The following CRTC1 variants were observed in gnomAD, a reference collection of about 807,000 sequenced individuals.
CRTC1 encodes CREB-regulated transcription coactivator 1.
In CRTC1, 18 loss-of-function variants were observed where a neutral mutation model predicts 66.1. The ratio of observed to expected loss-of-function variants is 0.27; its 90% CI spans 0.19 to 0.40. The LOEUF (loss-of-function observed/expected upper bound fraction) is 0.40. CRTC1 is among the 10% of genes least tolerant of loss of function. The pLI is 1.00. For synonymous variants in CRTC1, 416 were observed against 398.8 expected, an observed-to-expected ratio of 1.04 and a Z score of -0.51; for missense variants, 669 against 887.9, an observed-to-expected ratio of 0.75 and a Z score of 3.13.
chr19:18,698,065 T>C (rs889668571), intron 1 of CRTC1, among the ~76,000 whole-genome samples: 1 of 151,164 alleles, frequency 6.6e-6, no homozygotes, highest in Non-Finnish European at 1.5e-5. Flanking sequence ...TTCTGCAGTG[T>C]GTACTCAGCA....
chr19:18,735,940 T>C (rs2145698733), intron 1 of CRTC1, among the ~76,000 whole-genome samples: 1 of 152,248 alleles, frequency 6.6e-6, no homozygotes, highest in South Asian at 2.1e-4. Context: ...CCTAGAACCA[T>C]GCCCAGTGCT....
At chr19:18,738,388 GCCGCATGAGGGTCAGCT>G (rs1034194318) in intron 1 of CRTC1, among the ~76,000 whole-genome samples, 13 of 152,110 alleles carry the variant, frequency 8.5e-5, no homozygotes, top group African/African-American at 3.1e-4. Context: ...TGGATTTTTG[GCCGCATGAGGGTCAGCT>G]CCCCAATCCC....
intron 1 of CRTC1, among the ~76,000 whole-genome samples, chr19:18,729,831 C>T (rs1176946884): frequency 2.6e-5 from 4 of 152,200 alleles, no homozygotes; most frequent in African/African-American, 7.2e-5. Flanking sequence ...TGTGGCCTCC[C>T]CCAGAGGTGG....
chr19:18,765,586 C>A, intron 9 of CRTC1, 58 bp downstream of exon 9: 1 of 1,530,600 alleles, frequency 6.5e-7, no homozygotes, highest in Non-Finnish European at 8.8e-7. Context: ...GGAGGCCTGG[C>A]TCTACCTCTT....
chr19:18,685,174 T>C lies in CRTC1; in HGVS notation c.126+1346T>C, dbSNP rs529028737. Among the ~76,000 whole-genome samples the C allele has an allele frequency of 5.9e-5, 9 of 152,244 alleles. No homozygotes were observed. The South Asian group carries it at 1.9e-3, about 32-fold the overall frequency. ...ACTAGTTGTTTGTTTCTCTGAGAGATTGTGACCTTATAGACTAGGATTTGT... is the reference window on the plus strand; with the variant it reads ...ACTAGTTGTTTGTTTCTCTGAGAGACTGTGACCTTATAGACTAGGATTTGT... On this transcript the variant is annotated intron_variant, in intron 1 of 13. Transcript: ENST00000321949.
chr19:18,732,575 G>A (rs958271904), intron 1 of CRTC1, among the ~76,000 whole-genome samples: 2 of 152,184 alleles, frequency 1.3e-5, no homozygotes, highest in African/African-American at 4.8e-5. Context: ...TGCAGGGATT[G>A]GGGGTCTGGC....
At chr19:18,712,364 T>C (rs2053411555) in intron 1 of CRTC1, among the ~76,000 whole-genome samples, 1 of 152,106 alleles carries the variant, frequency 6.6e-6, no homozygotes, top group South Asian at 2.1e-4. Flanking sequence ...GTTTAAGTGA[T>C]TCTCCCACCT....
intron 11 of CRTC1, among the ~76,000 whole-genome samples, chr19:18,772,177 C>G (rs1047674547): frequency 2.6e-5 from 4 of 152,190 alleles, no homozygotes; most frequent in African/African-American, 9.6e-5. Context: ...TGCTCACGCC[C>G]CAGCCACTCC....
chr19:18,736,676 A>G lies in CRTC1; in HGVS notation c.127-6234A>G, dbSNP rs139358481. On this transcript the variant is annotated intron_variant, in intron 1 of 13. Transcript: ENST00000321949. ...TGAGCTGGAGCCTATGGTCATGGAG[A>G]GTGGAGACTAGACTTTGAAGCCTAG... Among the ~76,000 whole-genome samples the G allele has an allele frequency of 8.1e-3, 1,228 of 151,136 alleles. 31 individuals are homozygous for G. Among genetic ancestry groups the G allele is most frequent in the African/African-American group, 0.027 (1,081 of 40,580 alleles).
intron 9 of CRTC1, among the ~76,000 whole-genome samples, chr19:18,767,052 G>A (rs574660492): frequency 1.3e-5 from 2 of 152,024 alleles, no homozygotes; most frequent in African/African-American, 4.8e-5. Context: ...TTCTTATAAG[G>A]CTATTCAGGT....
intron 3 of CRTC1, among the ~76,000 whole-genome samples, chr19:18,746,739 G>A (rs571221044): frequency 1.3e-5 from 2 of 152,200 alleles, no homozygotes; most frequent in South Asian, 2.1e-4. Context: ...ACTCCACAGC[G>A]TCCCCACAGG....
intron 1 of CRTC1, among the ~76,000 whole-genome samples, chr19:18,706,427 A>G (rs1043837426): frequency 7.3e-5 from 11 of 151,642 alleles, no homozygotes; most frequent in African/African-American, 2.7e-4. Context: ...GCTAGTCTTG[A>G]ACTCTTGACC....
At position 18,780,775 on chromosome 19, in the gene CRTC1, C is replaced by T. The variant is rs539481706; in HGVS notation, c.*3393C>T. On this transcript the variant is annotated 3_prime_UTR_variant, in exon 14 of 14. Transcript: ENST00000321949. Reference sequence around the variant, plus strand: ...GACTCCTGGGCTCAAGCAGTCCTCCCTCCTCGGCCTCCCAAAGTTCTGGGG... The same window carrying T: ...GACTCCTGGGCTCAAGCAGTCCTCCTTCCTCGGCCTCCCAAAGTTCTGGGG... 3.7e-4 allele frequency: 82 copies of T among 219,876 alleles called. No individual in the cohort carries two copies. The highest frequency in any genetic ancestry group is 1.5e-3 in the African/African-American group (69 of 44,628). The allele number at this position is 219,876 out of a possible 1,614,324, so 13.6% of individuals were successfully genotyped here. A position where few individuals can be genotyped will look rare whatever the true frequency, so the allele number is the denominator to read the frequency against.
rs868608219 is a variant in CRTC1, at chr19:18,777,245, G to A, written c.1768G>A (p.Asp590Asn). 2.4e-5 allele frequency: 38 copies of A among 1,610,440 alleles called. No individual in the cohort carries two copies. In the Middle Eastern group the frequency reaches 2.1e-3, roughly 91 times the overall value. Residue 590 changes from aspartate to asparagine, a missense_variant, in exon 14 of 14, where the codon GAC (aspartate) becomes AAC (asparagine). Asp to Asn is a conservative substitution (Grantham distance 23). Coordinates refer to ENST00000321949, the MANE Select transcript of CRTC1 (RefSeq NM_015321.3). The surrounding 1 kb of genome is among the most constrained non-coding windows in gnomAD (Gnocchi z 5.5). ...SLAGVGDVSF[D>N]SDSQFPLDEL... is the part of the protein sequence containing the mutation. ...GGCCGGGGTCGGCGACGTCAGCTTC[G>A]ACTCCGACAGCCAGTTTCCCCTGGA...
Position 18,749,797 on chromosome 19 carries a change from G to A in CRTC1, c.460G>A (p.Ala154Thr), listed in dbSNP as rs1305492317. ...CCCCACCAGGACCAATTCTGACTCC[G>A]CCCTGCACCAGAGCACAATGACGCC... ...TSWRRTNSDS[A>T]LHQSTMTPTQ... Residue 154 changes from alanine to threonine, a missense_variant, in exon 5 of 14, where the codon GCC becomes ACC. Ala to Thr is a moderately conservative substitution (Grantham distance 58, BLOSUM62 0). Transcript: ENST00000321949. 2 of 1,613,900 alleles carry A rather than the reference G, an allele frequency of 1.2e-6. No individual in the cohort carries two copies. The highest frequency in any genetic ancestry group is 1.7e-6 in the Non-Finnish European group (2 of 1,179,960).
At chr19:18,752,007 T>A (rs2054373877) in intron 5 of CRTC1, among the ~76,000 whole-genome samples, 1 of 151,714 alleles carries the variant, frequency 6.6e-6, no homozygotes, top group Admixed American at 6.6e-5. Flanking sequence ...CTACTAAAAA[T>A]ATAAAAATTA....
At chr19:18,716,128 G>A (rs1481240169) in intron 1 of CRTC1, among the ~76,000 whole-genome samples, 12 of 152,078 alleles carry the variant, frequency 7.9e-5, no homozygotes, top group African/African-American at 2.9e-4. Flanking sequence ...CCAGTGCCCC[G>A]CCCTGGGGAC....
chr19:18,746,966 C>T, intron 3 of CRTC1, 87 bp from the exon 4 acceptor site: 3 of 1,336,350 alleles, frequency 2.2e-6, no homozygotes, highest in Non-Finnish European at 3.2e-6. Flanking sequence ...CCCCAGCCAG[C>T]CAGCCGGGGC....
intron 1 of CRTC1, among the ~76,000 whole-genome samples, chr19:18,739,924 C>T (rs1346103225): frequency 1.3e-5 from 2 of 152,138 alleles, no homozygotes; most frequent in Non-Finnish European, 2.9e-5. Flanking sequence ...TTTGTTCATG[C>T]TTATGGTTTA....
Sources: allele counts gnomAD v4.1 joint callset (sites outside exome capture counted in the v4.1 genomes callset), GRCh38; gene constraint gnomAD v4.1.1; non-coding constraint Gnocchi (gnomAD v3.1); transcripts MANE v1.5; gene names NCBI Gene and HGNC (gene_info 2026-07-23, HGNC 2026-07-21).